Variants in NSMCE2 observed in about 807,000 individuals in gnomAD.
NSMCE2 encodes E3 SUMO-protein ligase NSE2.
In NSMCE2, 24 loss-of-function variants were observed where a neutral mutation model predicts 23.8. That is an observed-to-expected ratio of 1.01 (90% CI 0.73 to 1.42). The LOEUF (loss-of-function observed/expected upper bound fraction) is 1.42, where lower values mean the gene tolerates loss of function less well. NSMCE2 is among the 40% of genes most tolerant of loss of function. NSMCE2 has a pLI of 0.00. For missense variants in NSMCE2, 284 were observed against 296.5 expected, an observed-to-expected ratio of 0.96 and a Z score of 0.31; for synonymous variants, 92 against 94.1, an observed-to-expected ratio of 0.98 and a Z score of 0.13.
At chr8:125,236,288 A>T (rs1303121480) in intron 5 of NSMCE2, among the ~76,000 whole-genome samples, 1 of 152,130 alleles carries the variant, frequency 6.6e-6, no homozygotes, top group Non-Finnish European at 1.5e-5. Flanking sequence ...AATTTAAAGT[A>T]TGTATTTTGT....
intron 5 of NSMCE2, among the ~76,000 whole-genome samples, chr8:125,258,457 C>G (rs188326824): frequency 6.6e-6 from 1 of 151,896 alleles, no homozygotes; most frequent in African/African-American, 2.4e-5. Flanking sequence ...CATTCACCCC[C>G]GCTCCCCCCA....
intron 3 of NSMCE2, among the ~76,000 whole-genome samples, chr8:125,131,606 GA>G (rs34646266): frequency 1.7e-4 from 25 of 148,706 alleles, no homozygotes; most frequent in Middle Eastern, 3.5e-3. Context: ...TTCTAACGTG[GA>G]AAAAAAAAAT....
chr8:125,237,378 A>G (rs1223440692), intron 5 of NSMCE2, among the ~76,000 whole-genome samples: 1 of 152,200 alleles, frequency 6.6e-6, no homozygotes, highest in Non-Finnish European at 1.5e-5. Context: ...TAAAACAGAG[A>G]AAAAGTAAAG....
At chr8:125,298,692 T>TTG (rs1563770246) in intron 5 of NSMCE2, among the ~76,000 whole-genome samples, 4 of 83,652 alleles carry the variant, frequency 4.8e-5, no homozygotes, top group African/African-American at 4.7e-5. Flanking sequence ...TGTGGGTTTT[T>TTG]TTTTGTTTTT....
chr8:125,328,196 T>C (rs1280049571), intron 5 of NSMCE2, among the ~76,000 whole-genome samples: 1 of 151,486 alleles, frequency 6.6e-6, no homozygotes, highest in African/African-American at 2.4e-5. Flanking sequence ...GACATTGAAA[T>C]TGACAGTCAG....
intron 7 of NSMCE2, among the ~76,000 whole-genome samples, chr8:125,358,250 T>C (rs911486471): frequency 6.6e-6 from 1 of 151,860 alleles, no homozygotes. Context: ...GGATAATCTC[T>C]TGAACCCAGG....
At chr8:125,307,532 C>T (rs1828813748) in intron 5 of NSMCE2, among the ~76,000 whole-genome samples, 1 of 152,204 alleles carries the variant, frequency 6.6e-6, no homozygotes, top group African/African-American at 2.4e-5. Flanking sequence ...AAGAACAAAT[C>T]ACAGATTTTA....
At chr8:125,096,121 A>G (rs540876619) in intron 1 of NSMCE2, among the ~76,000 whole-genome samples, 51 of 152,290 alleles carry the variant, frequency 3.3e-4, no homozygotes, top group African/African-American at 1.1e-3. Context: ...TATCATCAGC[A>G]TATAGCTTTA....
At chr8:125,301,576 A>AC (rs1292882791) in intron 5 of NSMCE2, among the ~76,000 whole-genome samples, 1 of 151,208 alleles carries the variant, frequency 6.6e-6, no homozygotes, top group Non-Finnish European at 1.5e-5. Context: ...TCAGAAGGGG[A>AC]CCCAGGCACG....
chr8:125,359,804 C>A (rs924505230), intron 7 of NSMCE2, among the ~76,000 whole-genome samples: 1 of 152,176 alleles, frequency 6.6e-6, no homozygotes, highest in Non-Finnish European at 1.5e-5. Flanking sequence ...GAGCCACTAT[C>A]AACATCCTCT....
At position 125,261,240 on chromosome 8, in the gene NSMCE2, A is replaced by G. The variant is rs542994556; in HGVS notation, c.418+78984A>G. Among the ~76,000 whole-genome samples the G allele has an allele frequency of 3.9e-5, 6 of 152,342 alleles. No individual in the cohort carries two copies. The East Asian group carries it at 1.2e-3, about 29-fold the overall frequency. ...GGATACTATGGGAGCAAGTTTATGC[A>G]AGCTAATCCCCTGCTGTGTTAATCT... On this transcript the variant is annotated intron_variant, in intron 5 of 7. Coordinates refer to ENST00000287437, the MANE Select transcript of NSMCE2 (RefSeq NM_173685.4).
rs772721330 is a variant in NSMCE2, at chr8:125,357,310, C to A, written c.510C>A (p.Pro170=). Residue 170 remains proline, a synonymous_variant, in exon 6 of 8, where the codon CCC becomes CCA. Transcript: ENST00000287437. The part of the protein sequence containing the change: ...VTQSQTNFTC[P]ITKEEMKKPV... ...AAAGTCAGACCAACTTCACCTGCCCCATTACAAAGGTACCGCTTCCTCCTA... is the reference window on the plus strand; with the variant it reads ...AAAGTCAGACCAACTTCACCTGCCCAATTACAAAGGTACCGCTTCCTCCTA... 4.4e-6 allele frequency: 7 copies of A among 1,598,796 alleles called. No homozygotes were observed. Among genetic ancestry groups the A allele is most frequent in the Non-Finnish European group, 2.6e-6 (3 of 1,166,030 alleles).
At chr8:125,181,994 CCTCA>C (rs1263323325) in intron 4 of NSMCE2, 105 bp from the exon 5 acceptor site, 5 of 824,470 alleles carry the variant, frequency 6.1e-6, no homozygotes, top group South Asian at 5.3e-5. Context: ...TTGTTTTCAA[CCTCA>C]CTATCTTTTG....
At chr8:125,299,069 G>C (rs1218774254) in intron 5 of NSMCE2, among the ~76,000 whole-genome samples, 1 of 152,142 alleles carries the variant, frequency 6.6e-6, no homozygotes, top group Non-Finnish European at 1.5e-5. Flanking sequence ...ATTTTCTTCT[G>C]TATTTGATAA....
At chr8:125,313,743 C>T (rs1563778220) in intron 5 of NSMCE2, among the ~76,000 whole-genome samples, 2 of 152,152 alleles carry the variant, frequency 1.3e-5, no homozygotes, top group Admixed American at 6.5e-5. Context: ...AAGTGTGACA[C>T]TGTTCAGTCT....
chr8:125,300,246 G>T (rs1828508259), intron 5 of NSMCE2, among the ~76,000 whole-genome samples: 1 of 151,510 alleles, frequency 6.6e-6, no homozygotes, highest in African/African-American at 2.4e-5. Flanking sequence ...ATGGCTCACT[G>T]CAGTCTTGAC....
At chr8:125,156,442 A>G (rs1019663316) in intron 4 of NSMCE2, among the ~76,000 whole-genome samples, 2 of 152,192 alleles carry the variant, frequency 1.3e-5, no homozygotes, top group Admixed American at 1.3e-4. Flanking sequence ...AAGCATTTAT[A>G]TTGGATTACA....
At chr8:125,108,692 C>T (rs879365318) in intron 3 of NSMCE2, among the ~76,000 whole-genome samples, 1 of 152,038 alleles carries the variant, frequency 6.6e-6, no homozygotes, top group Non-Finnish European at 1.5e-5. Context: ...AGAAGAAGGG[C>T]CTGTGATGTG....
intron 5 of NSMCE2, among the ~76,000 whole-genome samples, chr8:125,329,900 G>T (rs772986302): frequency 1.5e-4 from 23 of 152,272 alleles, no homozygotes; most frequent in Non-Finnish European, 3.2e-4. Context: ...GGCCATGGAG[G>T]TGGTGGTGGT....
Sources: gnomAD v4.1 joint callset for allele counts (sites outside exome capture counted in the v4.1 genomes callset) on GRCh38, gnomAD v4.1.1 for gene constraint, MANE v1.5 for transcripts, NCBI Gene and HGNC (gene_info 2026-07-23, HGNC 2026-07-21) for gene names.